Variants in IFT140 observed in about 807,000 individuals in gnomAD.
The protein encoded by IFT140 is intraflagellar transport protein 140 homolog.
Under a neutral mutation model 164.6 loss-of-function variants are expected in IFT140, and 133 were observed. That is an observed-to-expected ratio of 0.81 (90% CI 0.70 to 0.93). IFT140 has a LOEUF of 0.93. IFT140 is among the 40% of genes least tolerant of loss of function. The pLI, the probability that IFT140 is intolerant of heterozygous loss-of-function variation, is 0.00. For missense variants in IFT140, 2,045 were observed against 1,972.3 expected (o/e 1.04, Z -0.70); for synonymous variants, 860 against 817.3 (o/e 1.05, Z -0.89).
In IFT140 at chr16:1,581,758, G is replaced by T. The variant is rs1166915061; in HGVS notation, c.1433-908C>A. Among the ~76,000 whole-genome samples the T allele has an allele frequency of 8.0e-4, 75 of 94,118 alleles. 2 individuals carry two copies. Among genetic ancestry groups the T allele is most frequent in the African/African-American group, 3.1e-3 (71 of 22,754 alleles). 61.7% of individuals were successfully genotyped at this position (94,118 alleles called of 152,430 possible). ...GGAGCGGGGGAGGGGAGGGGAGCGG[G>T]GGGTGGGGAGGGGAGGGGAGCGGAG... On this transcript the variant is annotated intron_variant, in intron 12 of 30. Transcript: ENST00000426508.
intron 4 of IFT140, among the ~76,000 whole-genome samples, chr16:1,599,023 G>C (rs1280239308): frequency 8.5e-6 from 1 of 118,078 alleles, no homozygotes; most frequent in Non-Finnish European, 1.7e-5. Flanking sequence ...GTCTCTGCCC[G>C]GCCGCCCATC....
Position 1,553,119 on chromosome 16 carries a change from G to C in IFT140, c.2399+4816C>G, listed in dbSNP as rs1476451033. On this transcript the variant is annotated intron_variant, in intron 19 of 30. Coordinates refer to ENST00000426508, the MANE Select transcript of IFT140 (RefSeq NM_014714.4). This position sits in a 1 kb window ranked among gnomAD's most constrained non-coding sequence, Gnocchi z 4.4. ...CATACTTTCTGGAGGGTACAGTGAT[G>C]ATGAAAAGATAATGCTTGGGTTTTT... 2 of 985,316 alleles carry C rather than the reference G, an allele frequency of 2.0e-6. No individual in the cohort carries two copies. The highest frequency in any genetic ancestry group is 3.5e-5 in the African/African-American group (2 of 57,226). The allele number at this position is 985,316 out of a possible 1,614,324, so 61.0% of individuals were successfully genotyped here.
chr16:1,524,043 C>T, intron 24 of IFT140, 87 bp from the exon 25 acceptor site: 1 of 1,520,310 alleles, frequency 6.6e-7, no homozygotes, highest in Non-Finnish European at 8.8e-7. Flanking sequence ...GGGTGCGAAC[C>T]CGCCCCTTCA....
At chr16:1,581,515 G>A (rs1051839681) in intron 12 of IFT140, among the ~76,000 whole-genome samples, 4 of 151,524 alleles carry the variant, frequency 2.6e-5, no homozygotes, top group African/African-American at 4.9e-5. Context: ...CATGAGAATC[G>A]CTTGAGCCCA....
rs2030715880 is a variant in IFT140, at chr16:1,533,394, C to CAGT, written c.2400-6601_2400-6599dup. 6.6e-6 allele frequency: 1 copy of CAGT among 152,312 alleles called. No individual in the cohort carries two copies. 9.4% of individuals were successfully genotyped at this position (152,312 alleles called of 1,614,324 possible). ...GTCCCCAGGGCAGGCAATAGTCGCT[C>CAGT]AGTACCAGCCTCCAGGCCCCGGGGG... On this transcript the variant is annotated intron_variant, in intron 19 of 30. Transcript: ENST00000426508. The surrounding 1 kb of genome is among the most constrained non-coding windows in gnomAD (Gnocchi z 4.7).
In IFT140 at chr16:1,556,128, A is replaced by C. The variant is rs956510489; in HGVS notation, c.2399+1807T>G. On this transcript the variant is annotated intron_variant, in intron 19 of 30. Transcript: ENST00000426508. ...CTCAAAACAAAAAACAAAAACAAAA[A>C]ACCTTCAGCCTATCTTTAGCGAAAT... Among the ~76,000 whole-genome samples the C allele has an allele frequency of 2.6e-5, 4 of 152,136 alleles. No homozygotes were observed. The South Asian group carries it at 8.3e-4, about 32-fold the overall frequency.
At chr16:1,603,961 T>C (rs1179044886) in intron 3 of IFT140, among the ~76,000 whole-genome samples, 1 of 152,228 alleles carries the variant, frequency 6.6e-6, no homozygotes, top group African/African-American at 2.4e-5. Context: ...TTGTGCCAAC[T>C]GGAAACACAG....
At position 1,518,249 on chromosome 16, in the gene IFT140, C is replaced by T; in HGVS notation, c.4149G>A (p.Val1383=). ...ATTCCTCCTTCCGCACGTAGTGCTC[C>T]ACCAGGAAGCCATAGACGTCCCCGA... ...IRIGDVYGFL[V]EHYVRKEEYQ... The change falls in exon 30 of 31, where the codon GTG becomes GTA. Residue 1383 remains valine (V), a synonymous_variant. Coordinates refer to ENST00000426508, the MANE Select transcript of IFT140 (RefSeq NM_014714.4). 6.2e-7 allele frequency: 1 copy of T among 1,614,060 alleles called. No individual in the cohort carries two copies. Among genetic ancestry groups the T allele is most frequent in the South Asian group, 1.1e-5 (1 of 91,092 alleles).
At chr16:1,603,950 C>T (rs1340366510) in intron 3 of IFT140, among the ~76,000 whole-genome samples, 3 of 152,134 alleles carry the variant, frequency 2.0e-5, no homozygotes, top group Non-Finnish European at 2.9e-5. Context: ...TGAAGTTTTC[C>T]TTGTGCCAAC....
chr16:1,589,862 A>G, intron 6 of IFT140, 82 bp from the exon 7 acceptor site: 1 of 1,280,812 alleles, frequency 7.8e-7, no homozygotes, highest in Non-Finnish European at 1.1e-6. Context: ...CATTTCTATC[A>G]ACTTAAGGAC....
At chr16:1,575,409 G>C (rs1041501323) in intron 13 of IFT140, among the ~76,000 whole-genome samples, 2 of 151,812 alleles carry the variant, frequency 1.3e-5, no homozygotes, top group Non-Finnish European at 2.9e-5. Flanking sequence ...TAAAAAAGTA[G>C]CCAGGCATGG....
intron 15 of IFT140, among the ~76,000 whole-genome samples, chr16:1,567,407 C>CCTCTGCT (rs2033776980): frequency 6.6e-6 from 1 of 151,328 alleles, no homozygotes; most frequent in Non-Finnish European, 1.5e-5. Context: ...TGCCCTCTGC[C>CCTCTGCT]CTCTGCTGTC....
rs780609658 is a variant in IFT140 at position 1,592,258 on chromosome 16, A to C, written c.552T>G (p.Phe184Leu). The C allele has an allele frequency of 4.3e-6, 7 of 1,614,096 alleles. No homozygotes were observed. In the East Asian group the frequency reaches 1.1e-4, roughly 26 times the overall value. ...VSGDEKALDMFNWKKSSSGSL... is the reference protein window; with the variant it reads ...VSGDEKALDMLNWKKSSSGSL... ...TTCCAGAACTGCTCTTCTTCCAGTT[A>C]AACATGTCCAGGGCTTTCTCATCAC... The change falls in exon 6 of 31, where the codon TTT becomes TTG. Residue 184 changes from phenylalanine to leucine, a missense_variant. By Grantham distance (22) the Phe-to-Leu change is conservative. Coordinates refer to ENST00000426508, the MANE Select transcript of IFT140 (RefSeq NM_014714.4).
chr16:1,562,050 G>A lies in IFT140; in HGVS notation c.2134C>T (p.Pro712Ser). 1 of 1,612,264 alleles carries A rather than the reference G, an allele frequency of 6.2e-7. No individual in the cohort carries two copies. Among genetic ancestry groups the A allele is most frequent in the Non-Finnish European group, 8.5e-7 (1 of 1,179,192 alleles). ...EHGFLLHESF[P>S]RPATSHSLLG... ...AGACTGTGGGAGGTGGCAGGCCGGG[G>A]GAAGCTCTCATGAAGCAGGAAGCCG... The change falls in exon 18 of 31, where the codon CCC becomes TCC. Residue 712 changes from proline (P) to serine (S), a missense_variant. Physicochemically the swap from Pro to Ser is moderately conservative, Grantham distance 74. Transcript: ENST00000426508.
At chr16:1,610,634 G>A (rs1054546250) in intron 2 of IFT140, 30 bp downstream of exon 2, 2 of 152,318 alleles carry the variant, frequency 1.3e-5, no homozygotes, top group Non-Finnish European at 2.9e-5. Flanking sequence ...AAGGACCTGG[G>A]TCGGCCGCCC....
At chr16:1,582,283 C>G (rs550710149) in intron 12 of IFT140, among the ~76,000 whole-genome samples, 10 of 152,244 alleles carry the variant, frequency 6.6e-5, no homozygotes, top group African/African-American at 9.6e-5. Flanking sequence ...TCACGAGTGT[C>G]CCTGTAAGAG....
intron 26 of IFT140, 35 bp downstream of exon 26, chr16:1,523,483 C>T (rs376514204): frequency 3.8e-6 from 6 of 1,591,986 alleles, no homozygotes; most frequent in African/African-American, 1.3e-5. Context: ...GTGGTGCCTG[C>T]GTGGAGCCGA....
chr16:1,591,795 C>T (rs1398292145), intron 6 of IFT140, among the ~76,000 whole-genome samples: 1 of 152,184 alleles, frequency 6.6e-6, no homozygotes, highest in East Asian at 1.9e-4. Flanking sequence ...ACACCCTAGC[C>T]AAGTACCTGG....
rs375363045 is a variant in IFT140 at position 1,520,050 on chromosome 16, G to A, written c.3874-3C>T. 6.2e-7 allele frequency: 1 copy of A among 1,605,210 alleles called. No homozygotes were observed. Among genetic ancestry groups the A allele is most frequent in the Admixed American group, 1.7e-5 (1 of 59,260 alleles). On this transcript the variant is annotated splice_polypyrimidine_tract_variant and splice_region_variant and intron_variant, in intron 28 of 30. Transcript: ENST00000426508. ...TTCTGGTATTCATCAATCTCCACCTGTACAGATGAAACCCGTCAAGACCTG... is the reference window on the plus strand; with the variant it reads ...TTCTGGTATTCATCAATCTCCACCTATACAGATGAAACCCGTCAAGACCTG...
Sources: allele counts gnomAD v4.1 joint callset (sites outside exome capture counted in the v4.1 genomes callset), GRCh38; gene constraint gnomAD v4.1.1; non-coding constraint Gnocchi (gnomAD v3.1); transcripts MANE v1.5; gene names NCBI Gene and HGNC (gene_info 2026-07-23, HGNC 2026-07-21).